MORC1: variants seen among roughly 807,000 people sequenced by gnomAD.
The protein encoded by MORC1 is MORC family CW-type zinc finger protein 1.
Under a neutral mutation model 134.9 loss-of-function variants are expected in MORC1, and 59 were observed. That is an observed-to-expected ratio of 0.44 (90% confidence interval 0.35 to 0.54). The LOEUF is 0.54. Ranked by LOEUF, MORC1 falls within the 20% of genes least tolerant of loss-of-function variation. MORC1 has a pLI of 0.00. For missense variants in MORC1, 947 were observed against 1,134.5 expected (o/e 0.83, Z 2.37); for synonymous variants, 395 against 391.7 (o/e 1.01, Z -0.10).
chr3:108,992,783 A>G (rs866197417), intron 21 of MORC1, among the ~76,000 whole-genome samples: 13 of 152,138 alleles, frequency 8.5e-5, no homozygotes, highest in African/African-American at 2.9e-4. Context: ...CACTTTTGGC[A>G]GTGCCCCTCT....
At chr3:109,045,767 T>A (rs754817946) in intron 14 of MORC1, among the ~76,000 whole-genome samples, 1 of 152,194 alleles carries the variant, frequency 6.6e-6, no homozygotes, top group Non-Finnish European at 1.5e-5. Context: ...GCAAAAGTTA[T>A]GTGGCAGCTG....
chr3:109,094,267 C>T (rs1313758201), intron 7 of MORC1, among the ~76,000 whole-genome samples: 1 of 152,130 alleles, frequency 6.6e-6, no homozygotes, highest in Admixed American at 6.5e-5. Context: ...GATACAAAGT[C>T]AAACAGGATC....
chr3:108,963,370 C>T (rs1947132456), intron 27 of MORC1, 44 bp downstream of exon 27: 4 of 1,508,346 alleles, frequency 2.7e-6, no homozygotes, highest in African/African-American at 2.8e-5. Flanking sequence ...GTTCTCGTTC[C>T]ATAGAGTCTA....
chr3:109,104,020 A>G, intron 3 of MORC1, 103 bp from the exon 4 acceptor site: 1 of 1,031,788 alleles, frequency 9.7e-7, no homozygotes, highest in Non-Finnish European at 1.5e-6. Context: ...ATGCAGCCAC[A>G]GAGTGACAGA....
At chr3:109,052,163 T>C (rs1329871759) in intron 14 of MORC1, among the ~76,000 whole-genome samples, 1 of 152,160 alleles carries the variant, frequency 6.6e-6, no homozygotes, top group Non-Finnish European at 1.5e-5. Flanking sequence ...TAAACCTCAC[T>C]ATGTTTATGT....
chr3:109,014,944 G>A (rs1948781942), intron 17 of MORC1, among the ~76,000 whole-genome samples: 1 of 152,130 alleles, frequency 6.6e-6, no homozygotes, highest in Non-Finnish European at 1.5e-5. Flanking sequence ...GGAGTGCAGT[G>A]GCGTAATCTC....
chr3:109,028,474 T>C (rs1385357234), intron 16 of MORC1, among the ~76,000 whole-genome samples: 1 of 152,182 alleles, frequency 6.6e-6, no homozygotes, highest in Non-Finnish European at 1.5e-5. Flanking sequence ...TGCTCTGCTG[T>C]CGTAAGAGTA....
rs545351857 is a variant in MORC1, at chr3:109,110,558, T to C, written c.154+191A>G. Among the ~76,000 whole-genome samples the C allele has an allele frequency of 1.1e-3, 162 of 152,288 alleles. 2 individuals carry two copies. The highest frequency in any genetic ancestry group is 3.5e-3 in the African/African-American group (145 of 41,560). ...GACCTAATTTTGTAAATGGGTCCTT[T>C]AGCACACAATTTGACTCTCAGAGTA... On this transcript the variant is annotated intron_variant, in intron 3 of 27. Transcript: ENST00000232603.
At position 108,971,077 on chromosome 3, in the gene MORC1, G is replaced by A. The variant is rs115915953; in HGVS notation, c.2550+253C>T. ...TCTGTTTTTGGTGGGGGAGAGAGAA[G>A]TCAGGGACTATGTCCTGTTTCTTTT... On this transcript the variant is annotated intron_variant, in intron 25 of 27. Coordinates refer to ENST00000232603, the MANE Select transcript of MORC1 (RefSeq NM_014429.4). Among the ~76,000 whole-genome samples, 794 of 152,304 alleles carry A rather than the reference G, an allele frequency of 5.2e-3. 19 individuals carry two copies. The highest frequency in any genetic ancestry group is 0.018 in the African/African-American group (765 of 41,552).
intron 3 of MORC1, among the ~76,000 whole-genome samples, chr3:109,106,586 C>T (rs960499963): frequency 3.3e-5 from 5 of 152,148 alleles, no homozygotes; most frequent in Admixed American, 6.6e-5. Context: ...GTTTCCTGTT[C>T]AATAAATGGC....
At chr3:109,040,578 C>A in intron 14 of MORC1, among the ~76,000 whole-genome samples, 2 of 150,958 alleles carry the variant, frequency 1.3e-5, no homozygotes, top group East Asian at 1.9e-4. Context: ...GCCTGTAATC[C>A]CAGCACTGTG....
At chr3:109,045,926 ATCACTGG>A (rs1359675946) in intron 14 of MORC1, among the ~76,000 whole-genome samples, 5 of 152,176 alleles carry the variant, frequency 3.3e-5, no homozygotes, top group Non-Finnish European at 7.3e-5. Context: ...CTAGTTCCGT[ATCACTGG>A]TTACCCACCT....
intron 21 of MORC1, among the ~76,000 whole-genome samples, chr3:108,994,964 G>A (rs550369695): frequency 6.6e-6 from 1 of 152,234 alleles, no homozygotes; most frequent in South Asian, 2.1e-4. Flanking sequence ...TTACTTCTTT[G>A]ATAGGATGTA....
intron 14 of MORC1, among the ~76,000 whole-genome samples, chr3:109,044,198 G>T (rs982674758): frequency 6.6e-6 from 1 of 152,078 alleles, no homozygotes; most frequent in African/African-American, 2.4e-5. Flanking sequence ...GCTATGTATG[G>T]AATACTTTAT....
chr3:109,037,809 A>G (rs1194240265), intron 14 of MORC1, among the ~76,000 whole-genome samples: 1 of 152,212 alleles, frequency 6.6e-6, no homozygotes, highest in African/African-American at 2.4e-5. Context: ...TCCATGGTGT[A>G]TATGCGCCAC....
chr3:109,021,694 C>A (rs769925566), intron 17 of MORC1, among the ~76,000 whole-genome samples: 4 of 152,220 alleles, frequency 2.6e-5, no homozygotes, highest in Non-Finnish European at 5.9e-5. Flanking sequence ...TGTTCTGATG[C>A]CCTTTAATCA....
chr3:108,961,848 G>A (rs912596183), intron 27 of MORC1, among the ~76,000 whole-genome samples: 6 of 152,188 alleles, frequency 3.9e-5, no homozygotes, highest in East Asian at 1.9e-4. Context: ...TTAGCCTAAC[G>A]TGGATTTGCT....
At chr3:108,969,572 T>C in intron 26 of MORC1, 97 bp downstream of exon 26, 1 of 1,260,742 alleles carries the variant, frequency 7.9e-7, no homozygotes, top group Non-Finnish European at 1.2e-6. Context: ...GCAAATTTGA[T>C]TTCCTTTCAA....
intron 15 of MORC1, 141 bp from the exon 16 acceptor site, chr3:109,032,966 T>G (rs991107639): frequency 1.5e-6 from 1 of 645,796 alleles, no homozygotes; most frequent in African/African-American, 1.9e-5. Flanking sequence ...CCATTATTCT[T>G]GATGACACAT....
Sources: gnomAD v4.1 joint callset for allele counts (sites outside exome capture counted in the v4.1 genomes callset) on GRCh38, gnomAD v4.1.1 for gene constraint, MANE v1.5 for transcripts, NCBI Gene and HGNC (gene_info 2026-07-23, HGNC 2026-07-21) for gene names.